TEX9: variants seen among roughly 807,000 people sequenced by gnomAD.
TEX9 encodes the protein testis expressed 9.
In TEX9, 74 loss-of-function variants were observed where a neutral mutation model predicts 59.6. The ratio of observed to expected loss-of-function variants is 1.24; its 90% CI spans 1.03 to 1.51. The LOEUF is 1.51. TEX9 is among the 40% of genes most tolerant of loss of function. TEX9 has a pLI of 0.00. For missense variants in TEX9, 522 were observed against 447.8 expected (o/e 1.17, Z -1.49); for synonymous variants, 186 against 152.2 (o/e 1.22, Z -1.64).
intron 9 of TEX9, chr15:56,398,335 GT>G (rs1342453774): frequency 3.8e-5 from 2 of 52,792 alleles, no homozygotes; most frequent in African/African-American, 1.2e-4. Flanking sequence ...AATTTTACCT[GT>G]TTGTTTTACC....
At chr15:56,266,072 T>C (rs1202427820) in intron 1 of TEX9, among the ~76,000 whole-genome samples, 9 of 152,188 alleles carry the variant, frequency 5.9e-5, no homozygotes, top group African/African-American at 1.9e-4. Context: ...AGATGTGTGA[T>C]TATTATGCAT....
chr15:56,368,583 G>T (rs1266850122), intron 2 of TEX9, among the ~76,000 whole-genome samples: 1 of 151,980 alleles, frequency 6.6e-6, no homozygotes, highest in Non-Finnish European at 1.5e-5. Flanking sequence ...TATGCATTTA[G>T]CTTCTTTAAT....
At chr15:56,259,516 T>A (rs1372925457) in intron 1 of TEX9, among the ~76,000 whole-genome samples, 1 of 152,074 alleles carries the variant, frequency 6.6e-6, no homozygotes, top group African/African-American at 2.4e-5. Context: ...AAAATCTTAT[T>A]ATTACAAAAT....
chr15:56,455,157 A>T, the TEX9 span, among the ~76,000 whole-genome samples: 1 of 151,774 alleles, frequency 6.6e-6, no homozygotes, highest in South Asian at 2.1e-4. Context: ...TATCTGAATA[A>T]CCTAATCTGC....
intron 12 of TEX9, chr15:56,428,892 C>A: frequency 4.0e-6 from 2 of 498,888 alleles, no homozygotes; most frequent in Non-Finnish European, 7.0e-6. Context: ...TTGTAGAAAT[C>A]GGATTTTGAA....
At chr15:56,384,566 A>C (rs1255113154) in intron 4 of TEX9, among the ~76,000 whole-genome samples, 2 of 152,196 alleles carry the variant, frequency 1.3e-5, no homozygotes, top group East Asian at 3.8e-4. Context: ...GAATGGGTTA[A>C]GCCACTGGAA....
chr15:56,262,880 G>A (rs1182115156), intron 1 of TEX9, among the ~76,000 whole-genome samples: 1 of 152,042 alleles, frequency 6.6e-6, no homozygotes, highest in Non-Finnish European at 1.5e-5. Flanking sequence ...TACACTTCTG[G>A]CCTTAAAGTT....
intron 7 of TEX9, among the ~76,000 whole-genome samples, chr15:56,392,173 A>G (rs1376176613): frequency 6.6e-6 from 1 of 152,176 alleles, no homozygotes; most frequent in Non-Finnish European, 1.5e-5. Flanking sequence ...ATGATCATTA[A>G]GTTTATGTAT....
chr15:56,293,030 C>A (rs1347814156), intron 1 of TEX9, among the ~76,000 whole-genome samples: 2 of 152,178 alleles, frequency 1.3e-5, no homozygotes, highest in Non-Finnish European at 2.9e-5. Context: ...TCTAAGCGAT[C>A]ATGACTAAGA....
intron 12 of TEX9, among the ~76,000 whole-genome samples, chr15:56,436,035 A>C (rs1255855567): frequency 6.6e-6 from 1 of 152,046 alleles, no homozygotes; most frequent in Non-Finnish European, 1.5e-5. Context: ...AAAAGTCATA[A>C]TCATATCAGT....
intron 1 of TEX9, among the ~76,000 whole-genome samples, chr15:56,351,804 T>C (rs1376097566): frequency 6.6e-6 from 1 of 152,228 alleles, no homozygotes; most frequent in Non-Finnish European, 1.5e-5. Context: ...CTTCTTTTTG[T>C]CATTGTGTAT....
intron 1 of TEX9, among the ~76,000 whole-genome samples, chr15:56,302,159 G>GTTA (rs1341957182): frequency 2.0e-5 from 3 of 152,118 alleles, no homozygotes; most frequent in African/African-American, 7.2e-5. Context: ...GTTATAAGAT[G>GTTA]TTATTTCCAA....
intron 2 of TEX9, among the ~76,000 whole-genome samples, chr15:56,372,476 GA>G (rs1320248401): frequency 2.0e-5 from 3 of 152,092 alleles, no homozygotes; most frequent in Non-Finnish European, 2.9e-5. Flanking sequence ...ATCTCAACAG[GA>G]GAAAAAAGTT....
chr15:56,330,750 A>C (rs912159068), intron 1 of TEX9, among the ~76,000 whole-genome samples: 3 of 152,074 alleles, frequency 2.0e-5, no homozygotes, highest in Admixed American at 6.5e-5. Context: ...ATAAGAAAGA[A>C]GAGAAGGCCA....
intron 1 of TEX9, among the ~76,000 whole-genome samples, chr15:56,271,779 A>G (rs868216733): frequency 1.4e-4 from 21 of 152,326 alleles, no homozygotes; most frequent in African/African-American, 5.1e-4. Flanking sequence ...GATGTAGTCA[A>G]GTCTCTTTTT....
chr15:56,310,023 A>T (rs2045573072), intron 1 of TEX9, among the ~76,000 whole-genome samples: 2 of 152,154 alleles, frequency 1.3e-5, no homozygotes, highest in African/African-American at 4.8e-5. Context: ...CCCAATCTTC[A>T]GGTGTTGGCT....
At position 56,358,762 on chromosome 15, in the gene TEX9, G is replaced by GAC. The variant is rs553901775; in HGVS notation, c.-106-14678_-106-14677dup. 2.4e-3 allele frequency among the ~76,000 whole-genome samples: 364 copies of GAC among 152,250 alleles called. 1 individual carries two copies. The highest frequency in any genetic ancestry group is 3.4e-3 in the Middle Eastern group (1 of 294). ...CATAATCCCCACGTGTTAAGAGAGA[G>GAC]ACGTGGTGGGAGGTGATTGAATCAT... On this transcript the variant is annotated intron_variant, in intron 1 of 5. Transcript: ENST00000560827.
At chr15:56,444,857 C>G (rs1280881120) in intron 12 of TEX9, among the ~76,000 whole-genome samples, 1 of 152,000 alleles carries the variant, frequency 6.6e-6, no homozygotes, top group Non-Finnish European at 1.5e-5. Flanking sequence ...AAGTCAGACC[C>G]TAAAGCAGCT....
intron 1 of TEX9, among the ~76,000 whole-genome samples, chr15:56,307,029 G>T (rs1346409558): frequency 6.6e-6 from 1 of 152,030 alleles, no homozygotes; most frequent in South Asian, 2.1e-4. Flanking sequence ...ACTCTCCTTT[G>T]TTCTTCCTGG....
Sources: allele counts gnomAD v4.1 joint callset (sites outside exome capture counted in the v4.1 genomes callset), GRCh38; gene constraint gnomAD v4.1.1; transcripts MANE v1.5; gene names NCBI Gene and HGNC (gene_info 2026-07-23, HGNC 2026-07-21).